Variants in NCOR2 observed in about 807,000 individuals in gnomAD.
NCOR2 encodes nuclear receptor corepressor 2.
In NCOR2, 81 loss-of-function variants were observed where a neutral mutation model predicts 262.9. That is an observed-to-expected ratio of 0.31 (90% CI 0.26 to 0.37). The LOEUF is 0.37. Ranked by LOEUF, NCOR2 falls within the 10% of genes least tolerant of loss-of-function variation. The pLI is 1.00. For synonymous variants in NCOR2, 1,659 were observed against 1,559.3 expected (o/e 1.06, Z -1.51); for missense variants, 3,385 against 3,621.4 (o/e 0.93, Z 1.68).
In NCOR2 at chr12:124,557,529, T is replaced by C. The variant is rs530733944; in HGVS notation, c.-165+9779A>G. Among the ~76,000 whole-genome samples the C allele has an allele frequency of 5.7e-4, 87 of 152,322 alleles. 2 individuals are homozygous for C. The South Asian group carries it at 7.3e-3, about 13-fold the overall frequency. ...ATTTAGGGCCCACCCTGCTCCAGGA[T>C]GACCTCTTCTTAATTAAACGCATCC... On this transcript the variant is annotated intron_variant, in intron 1 of 32. Transcript: ENST00000458234.
At chr12:124,434,279 C>T (rs1008711631) in intron 8 of NCOR2, among the ~76,000 whole-genome samples, 9 of 152,162 alleles carry the variant, frequency 5.9e-5, no homozygotes, top group Non-Finnish European at 1.3e-4. Context: ...CCAAGCCCCC[C>T]TCCCCAGGCC....
exon 38 of NCOR2, chr12:124,336,993 T>C: frequency 6.6e-7 from 1 of 1,510,572 alleles, no homozygotes; most frequent in African/African-American, 1.4e-5. Context: ...GCTGGGGGCT[T>C]GGCGAGGAAG....
chr12:124,547,966 C>T (rs1430951690), intron 1 of NCOR2, among the ~76,000 whole-genome samples: 2 of 152,006 alleles, frequency 1.3e-5, no homozygotes, highest in Non-Finnish European at 2.9e-5. Flanking sequence ...TATATAAATA[C>T]ACATACAGAA....
Position 124,336,788 on chromosome 12 carries a change from G to A in NCOR2, c.6080C>T (p.Pro2027Leu), listed in dbSNP as rs778445335. Residue 2027 changes from proline (P) to leucine (L), a missense_variant, in exon 38 of 47, where the codon CCC becomes CTC. Pro to Leu is a moderately conservative substitution (Grantham distance 98, BLOSUM62 -3). Coordinates refer to ENST00000405201, the Ensembl canonical transcript of NCOR2. The stretch of plus-strand genomic sequence containing the variant: ...GAGTTCCAGTTCCTGGATGGAAAAG[G>A]GTTTACTTTGAGTCTTTTCCCGGTG... 10 of 1,613,416 alleles carry A rather than the reference G, an allele frequency of 6.2e-6. No homozygotes were observed. The South Asian group carries it at 8.8e-5, about 14-fold the overall frequency.
At chr12:124,542,319 T>A (rs1025343177) in intron 1 of NCOR2, among the ~76,000 whole-genome samples, 11 of 151,820 alleles carry the variant, frequency 7.2e-5, no homozygotes, top group African/African-American at 2.7e-4. Flanking sequence ...CAGCCCAGCC[T>A]CCCCTGACCA....
chr12:124,394,361 G>A (rs1332003129), intron 16 of NCOR2, among the ~76,000 whole-genome samples: 3 of 152,200 alleles, frequency 2.0e-5, no homozygotes, highest in Non-Finnish European at 4.4e-5. Flanking sequence ...TGGGGAGGTC[G>A]GTATGCCCCG....
rs182657819 is a variant in NCOR2, at chr12:124,381,466, C to T, written c.2020-3082G>A. On this transcript the variant is annotated intron_variant, in intron 17 of 46. Transcript: ENST00000405201. ...AAATTGAGTGTGTGAACCTGTCTCT[C>T]GCACCAGCTCCTCAAGGGCTGGGAT... Among the ~76,000 whole-genome samples, 8 of 152,228 alleles carry T rather than the reference C, an allele frequency of 5.3e-5. No homozygotes were observed. In the South Asian group the frequency reaches 6.2e-4, roughly 12 times the overall value.
chr12:124,563,299 A>G (rs2052129866), intron 1 of NCOR2, among the ~76,000 whole-genome samples: 1 of 152,240 alleles, frequency 6.6e-6, no homozygotes, highest in African/African-American at 2.4e-5. Context: ...TTTATAAACC[A>G]AAAGCTCCTT....
chr12:124,354,301 GT>G (rs1482842354), intron 26 of NCOR2, 105 bp from the exon 29 acceptor site: 4 of 1,298,612 alleles, frequency 3.1e-6, no homozygotes, highest in Non-Finnish European at 4.3e-6. Context: ...AGTTGTGCTA[GT>G]TGTTTCAACG....
chr12:124,377,922 A>C (rs1277657261), intron 18 of NCOR2, among the ~76,000 whole-genome samples: 1 of 151,966 alleles, frequency 6.6e-6, no homozygotes, highest in East Asian at 1.9e-4. Flanking sequence ...GACAGCAGGC[A>C]CCCACAGGGC....
chr12:124,501,492 C>T (rs537179568), intron 1 of NCOR2, among the ~76,000 whole-genome samples: 4 of 145,088 alleles, frequency 2.8e-5, no homozygotes, highest in East Asian at 1.9e-4. Context: ...CCTCTGGGGG[C>T]TCTGGGGGAG....
chr12:124,491,673 G>C (rs1185954374), intron 1 of NCOR2, among the ~76,000 whole-genome samples: 1 of 152,202 alleles, frequency 6.6e-6, no homozygotes. Context: ...GGGTCCCAGA[G>C]GACTTGAAGA....
chr12:124,432,140 GCAGA>G lies in NCOR2; in HGVS notation c.883-1357_883-1354del, dbSNP rs1389755790. Reference sequence around the variant, plus strand: ...ATGACAGACACACACACAGTCGCAGGCAGACAAACAGATGCACACACAGGGTCTC... The same window carrying G: ...ATGACAGACACACACACAGTCGCAGGCAAACAGATGCACACACAGGGTCTC... On this transcript the variant is annotated intron_variant, in intron 8 of 46. Transcript: ENST00000405201. This position sits in a 1 kb window ranked among gnomAD's most constrained non-coding sequence, Gnocchi z 5.1. Among the ~76,000 whole-genome samples the G allele has an allele frequency of 2.0e-5, 3 of 151,826 alleles. No individual in the cohort carries two copies. Among genetic ancestry groups the G allele is most frequent in the South Asian group, 2.1e-4 (1 of 4,794 alleles).
chr12:124,400,343 C>A (rs1233457647), intron 15 of NCOR2, among the ~76,000 whole-genome samples, 158 bp downstream of exon 17: 2 of 152,172 alleles, frequency 1.3e-5, no homozygotes, highest in African/African-American at 4.8e-5. Flanking sequence ...GGCCACACAG[C>A]ACATCCAGTA....
intron 13 of NCOR2, among the ~76,000 whole-genome samples, chr12:124,415,524 GGCCCA>G (rs1289426697): frequency 6.6e-6 from 1 of 152,228 alleles, no homozygotes; most frequent in Non-Finnish European, 1.5e-5. Flanking sequence ...GGGGTGGCAG[GGCCCA>G]GGCCACGCCA....
At chr12:124,334,395 A>G (rs746989470) in intron 41 of NCOR2, 29 bp downstream of exon 43, 2 of 1,501,102 alleles carry the variant, frequency 1.3e-6, no homozygotes, top group South Asian at 1.2e-5. Context: ...CCGGCTGACC[A>G]GCAAGAGGCA....
intron 8 of NCOR2, 60 bp from the exon 11 acceptor site, chr12:124,430,847 C>T (rs1593502579): frequency 2.0e-6 from 3 of 1,535,278 alleles, no homozygotes; most frequent in East Asian, 2.3e-5. Context: ...CGCCGCCTCC[C>T]CCCTGCCCAC....
intron 37 of NCOR2, among the ~76,000 whole-genome samples, chr12:124,339,320 CATCCATCCATCCATCT>C (rs1319081254): frequency 8.8e-5 from 13 of 147,046 alleles, no homozygotes; most frequent in African/African-American, 2.6e-4. Context: ...TCCATCCATC[CATCCATCCATCCATCT>C]GGCTAACTCA....
chr12:124,333,326 A>AG, intron 41 of NCOR2, 47 bp from the exon 44 acceptor site: 1 of 1,470,882 alleles, frequency 6.8e-7, no homozygotes, highest in African/African-American at 1.4e-5. Context: ...CTCCCTACTG[A>AG]GGGGGCGCAC....
Sources: gnomAD v4.1 joint callset for allele counts (sites outside exome capture counted in the v4.1 genomes callset) on GRCh38, gnomAD v4.1.1 for gene constraint, Gnocchi (gnomAD v3.1) non-coding constraint, MANE v1.5 for transcripts, NCBI Gene and HGNC (gene_info 2026-07-23, HGNC 2026-07-21) for gene names.